The following PDCD11 variants were observed in gnomAD, a reference collection of about 807,000 sequenced individuals.
The protein encoded by PDCD11 is protein RRP5 homolog.
PDCD11 carries 97 observed loss-of-function variants against 198.9 expected under a neutral mutation model. That is an observed-to-expected ratio of 0.49 (90% CI 0.41 to 0.58). The LOEUF (loss-of-function observed/expected upper bound fraction) is 0.58, where lower values mean the gene tolerates loss of function less well. Among genes scored for constraint, PDCD11 ranks in the 20% least tolerant of loss-of-function variants. The pLI is 0.00. For synonymous variants in PDCD11, 893 were observed against 918.0 expected (o/e 0.97, Z 0.49); for missense variants, 2,102 against 2,312.7 (o/e 0.91, Z 1.87).
chr10:103,398,399 C>T lies in PDCD11; in HGVS notation c.-11-17C>T. ...ACCAAGACAACATGTCACCATTATC[C>T]TTTGCATTGTTTTTAGGAGACCCAA... On this transcript the variant is annotated splice_polypyrimidine_tract_variant and intron_variant, in intron 1 of 35. Coordinates refer to ENST00000369797, the MANE Select transcript of PDCD11 (RefSeq NM_014976.2). 2.1e-6 allele frequency: 3 copies of T among 1,446,128 alleles called. No homozygotes were observed. The highest frequency in any genetic ancestry group is 2.9e-6 in the Non-Finnish European group (3 of 1,026,840). The allele number at this position is 1,446,128 out of a possible 1,614,324, so 89.6% of individuals were successfully genotyped here.
chr10:103,424,443 C>T (rs1212083255), intron 19 of PDCD11, among the ~76,000 whole-genome samples: 3 of 152,154 alleles, frequency 2.0e-5, no homozygotes, highest in African/African-American at 7.2e-5. Context: ...CTAGCAGGAC[C>T]CTGTACCATT....
intron 12 of PDCD11, 129 bp downstream of exon 12, chr10:103,415,280 A>G (rs992813755): frequency 2.2e-6 from 2 of 899,014 alleles, no homozygotes; most frequent in Non-Finnish European, 3.4e-6. Context: ...TGTACCTGGC[A>G]TTGGGAAGAG....
chr10:103,414,669 T>C (rs1415185018), intron 11 of PDCD11, among the ~76,000 whole-genome samples: 2 of 152,256 alleles, frequency 1.3e-5, no homozygotes, highest in Non-Finnish European at 1.5e-5. Flanking sequence ...GTACCTGTCC[T>C]GTCCGACCAT....
chr10:103,439,957 T>C, intron 28 of PDCD11, 89 bp downstream of exon 28: 1 of 1,480,964 alleles, frequency 6.8e-7, no homozygotes, highest in Non-Finnish European at 9.4e-7. Flanking sequence ...GGGTGAACTG[T>C]AAACATAATG....
chr10:103,398,963 A>G (rs2093450581), intron 2 of PDCD11, among the ~76,000 whole-genome samples: 1 of 152,140 alleles, frequency 6.6e-6, no homozygotes. Context: ...GCACTGACCC[A>G]ATATTGTGCC....
chr10:103,405,305 C>G (rs1259234240), intron 5 of PDCD11, 122 bp downstream of exon 5: 1 of 940,154 alleles, frequency 1.1e-6, no homozygotes, highest in Non-Finnish European at 1.6e-6. Context: ...GGTTCTTTTT[C>G]TGGAAGGAAG....
intron 2 of PDCD11, 49 bp from the exon 3 acceptor site, chr10:103,400,348 T>A (rs1055974663): frequency 6.3e-7 from 1 of 1,575,774 alleles, no homozygotes; most frequent in Non-Finnish European, 8.6e-7. Flanking sequence ...AAACTCAGAT[T>A]GCTTCTTATT....
At chr10:103,439,505 T>G (rs779158704) in intron 27 of PDCD11, among the ~76,000 whole-genome samples, 3 of 152,218 alleles carry the variant, frequency 2.0e-5, no homozygotes, top group Non-Finnish European at 2.9e-5. Context: ...CCTAGCAGTT[T>G]GTGATTTATA....
At chr10:103,415,290 GA>G (rs1386737281) in intron 12 of PDCD11, 139 bp downstream of exon 12, 10 of 801,634 alleles carry the variant, frequency 1.2e-5, no homozygotes, top group Non-Finnish European at 1.8e-5. Context: ...ATTGGGAAGA[GA>G]AAAGTGAGTC....
chr10:103,400,476 A>G lies in PDCD11; in HGVS notation c.182A>G (p.Lys61Arg). ...PAKTKKLKIE[K>R]RESSKSAREK... ...AAAACAAAAAAGTTGAAAATCGAAAAGAGAGAAAGCAGCAAGTCCGCAAGA... is the reference window on the plus strand; with the variant it reads ...AAAACAAAAAAGTTGAAAATCGAAAGGAGAGAAAGCAGCAAGTCCGCAAGA... The change falls in exon 3 of 36, where the codon AAG becomes AGG. Residue 61 changes from lysine (K) to arginine (R), a missense_variant. By Grantham distance (26) the Lys-to-Arg change is conservative. Coordinates refer to ENST00000369797, the MANE Select transcript of PDCD11 (RefSeq NM_014976.2). 6.2e-7 allele frequency: 1 copy of G among 1,614,146 alleles called. No homozygotes were observed. Among genetic ancestry groups the G allele is most frequent in the East Asian group, 2.2e-5 (1 of 44,886 alleles).
Position 103,398,410 on chromosome 10 carries a change from T to C in PDCD11, c.-11-6T>C. The C allele has an allele frequency of 2.5e-6, 4 of 1,569,256 alleles. No individual in the cohort carries two copies. Among genetic ancestry groups the C allele is most frequent in the Non-Finnish European group, 3.5e-6 (4 of 1,139,162 alleles). On this transcript the variant is annotated splice_polypyrimidine_tract_variant and splice_region_variant and intron_variant, in intron 1 of 35. Coordinates refer to ENST00000369797, the MANE Select transcript of PDCD11 (RefSeq NM_014976.2). ...ATGTCACCATTATCCTTTGCATTGT[T>C]TTTAGGAGACCCAAACATGGCAAAC...
At chr10:103,445,357 C>T (rs1360651832) in intron 35 of PDCD11, 21 bp from the exon 36 acceptor site, 10 of 1,613,324 alleles carry the variant, frequency 6.2e-6, no homozygotes, top group Non-Finnish European at 8.5e-6. Flanking sequence ...AGGCAAATGC[C>T]ACTCTGCTTT....
At chr10:103,413,923 C>G (rs770393488) in intron 9 of PDCD11, 43 bp from the exon 10 acceptor site, 1 of 1,565,078 alleles carries the variant, frequency 6.4e-7, no homozygotes, top group Non-Finnish European at 8.7e-7. Context: ...TTGGCTCAGA[C>G]CTGTTGTCCC....
intron 15 of PDCD11, 82 bp downstream of exon 15, chr10:103,418,716 A>G (rs762721493): frequency 6.0e-6 from 7 of 1,175,892 alleles, no homozygotes; most frequent in Non-Finnish European, 8.5e-6. Context: ...GAAATTAGAC[A>G]GCTATTTGAC....
Position 103,403,165 on chromosome 10 carries a change from T to A in PDCD11, c.282T>A (p.Asn94Lys). The change falls in exon 4 of 36, where the codon AAT becomes AAA. Residue 94 changes from asparagine to lysine, a missense_variant. Physicochemically the swap from Asn to Lys is moderately conservative, Grantham distance 94 (BLOSUM62 0). Coordinates refer to ENST00000369797, the MANE Select transcript of PDCD11 (RefSeq NM_014976.2). ...MRILGCVKEV[N>K]ELELVISLPN... ...TTTTGGGTTGCGTGAAAGAGGTGAA[T>A]GAACTGGAACTGGTGATTAGTCTCC... The A allele has an allele frequency of 6.2e-7, 1 of 1,614,180 alleles. No homozygotes were observed. The highest frequency in any genetic ancestry group is 8.5e-7 in the Non-Finnish European group (1 of 1,180,020).
intron 12 of PDCD11, among the ~76,000 whole-genome samples, chr10:103,416,150 T>C (rs982184766): frequency 6.6e-6 from 1 of 152,174 alleles, no homozygotes; most frequent in Non-Finnish European, 1.5e-5. Context: ...ATTGGTTCTG[T>C]TAGACTAGAT....
intron 34 of PDCD11, 99 bp downstream of exon 34, chr10:103,444,167 T>C (rs2032504957): frequency 4.9e-6 from 5 of 1,022,006 alleles, no homozygotes; most frequent in Non-Finnish European, 7.1e-6. Context: ...GAGAGCCTTG[T>C]GAGGGCTTTC....
Position 103,431,000 on chromosome 10 carries a change from A to G in PDCD11, c.3369-1129A>G, listed in dbSNP as rs184545651. 4.2e-3 allele frequency among the ~76,000 whole-genome samples: 633 copies of G among 151,790 alleles called. 5 individuals carry two copies. Among genetic ancestry groups the G allele is most frequent in the African/African-American group, 0.015 (614 of 41,362 alleles). On this transcript the variant is annotated intron_variant, in intron 21 of 35. Coordinates refer to ENST00000369797, the MANE Select transcript of PDCD11 (RefSeq NM_014976.2). ...TTTTTAGTAGAGACGGGGTTTCATC[A>G]TGTTGGCCAGGCTGTTCTCAAACTC...
At chr10:103,440,211 G>T (rs1465032090) in intron 28 of PDCD11, 79 bp from the exon 29 acceptor site, 2 of 1,531,568 alleles carry the variant, frequency 1.3e-6, no homozygotes, top group Admixed American at 2.2e-5. Flanking sequence ...GGGCTGATCA[G>T]GAGGAAAAAG....
Sources: allele counts gnomAD v4.1 joint callset (sites outside exome capture counted in the v4.1 genomes callset), GRCh38; gene constraint gnomAD v4.1.1; transcripts MANE v1.5; gene names NCBI Gene and HGNC (gene_info 2026-07-23, HGNC 2026-07-21).